Variants in SSBP3 observed in about 807,000 individuals in gnomAD.
The protein encoded by SSBP3 is single-stranded DNA-binding protein 3.
A neutral mutation model predicts 69.6 loss-of-function variants in SSBP3; 5 were observed. The ratio of observed to expected loss-of-function variants is 0.07; its 90% CI spans 0.04 to 0.15. The LOEUF is 0.15. SSBP3 is among the 10% of genes least tolerant of loss of function. SSBP3 has a pLI of 1.00. For synonymous variants in SSBP3, 196 were observed against 193.4 expected, an observed-to-expected ratio of 1.01 and a Z score of -0.11; for missense variants, 312 against 534.0, an observed-to-expected ratio of 0.58 and a Z score of 4.10.
chr1:54,233,098 C>T lies in SSBP3; in HGVS notation c.928-4272G>A, dbSNP rs1041082943. On this transcript the variant is annotated intron_variant, in intron 14 of 17. Coordinates refer to ENST00000610401, the Ensembl canonical transcript of SSBP3. ...GCTGCCCACTCTGGAAAGTGAGGAG[C>T]GTCTCCGCCCGGCCGCCATCCCATC... Among the ~76,000 whole-genome samples, 8 of 149,814 alleles carry T rather than the reference C, an allele frequency of 5.3e-5. No individual in the cohort carries two copies. In the East Asian group the frequency reaches 1.4e-3, roughly 26 times the overall value.
upstream of SSBP3, among the ~76,000 whole-genome samples, chr1:54,411,097 G>C (rs1649978538): frequency 6.6e-6 from 1 of 152,252 alleles, no homozygotes; most frequent in African/African-American, 2.4e-5. Flanking sequence ...GAATGGGTTA[G>C]TATAGAATCG....
At chr1:54,299,632 T>G (rs772925532) in intron 4 of SSBP3, among the ~76,000 whole-genome samples, 6 of 152,022 alleles carry the variant, frequency 3.9e-5, no homozygotes, top group Non-Finnish European at 8.8e-5. Flanking sequence ...ATCCCCCAAA[T>G]CATGCCAGCT....
chr1:54,244,995 C>A (rs1174502457), intron 9 of SSBP3, among the ~76,000 whole-genome samples: 2 of 152,088 alleles, frequency 1.3e-5, no homozygotes, highest in Admixed American at 6.6e-5. Flanking sequence ...TGATCATATA[C>A]CCCCCACCCC....
At chr1:54,318,528 T>TA (rs1646155449) in intron 4 of SSBP3, among the ~76,000 whole-genome samples, 1 of 152,148 alleles carries the variant, frequency 6.6e-6, no homozygotes, top group African/African-American at 2.4e-5. Context: ...AAGCTATAGT[T>TA]ACACCAGTTC....
intron 5 of SSBP3, among the ~76,000 whole-genome samples, chr1:54,271,942 C>T (rs971314449): frequency 1.3e-5 from 2 of 151,934 alleles, no homozygotes; most frequent in African/African-American, 4.8e-5. Context: ...GCTAATTTTT[C>T]TATTTTCAAT....
chr1:54,322,853 TA>T (rs1160128095), intron 4 of SSBP3, among the ~76,000 whole-genome samples: 17 of 152,020 alleles, frequency 1.1e-4, no homozygotes, highest in Non-Finnish European at 2.9e-5. Flanking sequence ...GCACCCAACA[TA>T]AAACAGGAAC....
chr1:54,403,654 C>CTT (rs1327684481), intron 3 of SSBP3, among the ~76,000 whole-genome samples: 1 of 151,820 alleles, frequency 6.6e-6, no homozygotes, highest in African/African-American at 2.4e-5. Context: ...CCTGAGCTGG[C>CTT]AGATAAACCC....
At chr1:54,368,307 A>AT (rs1161606257) in intron 4 of SSBP3, among the ~76,000 whole-genome samples, 3 of 151,440 alleles carry the variant, frequency 2.0e-5, no homozygotes, top group Non-Finnish European at 2.9e-5. Flanking sequence ...AAAAAAAAAA[A>AT]AGAAAACCTT....
At chr1:54,372,472 C>A (rs1000900015) in intron 4 of SSBP3, among the ~76,000 whole-genome samples, 1 of 152,188 alleles carries the variant, frequency 6.6e-6, no homozygotes, top group Admixed American at 6.5e-5. Context: ...AGCGACTCCC[C>A]TCTCTGGGCT....
At chr1:54,389,469 T>G (rs568016158) in intron 4 of SSBP3, among the ~76,000 whole-genome samples, 327 of 152,132 alleles carry the variant, frequency 2.1e-3, no homozygotes, top group Non-Finnish European at 3.4e-3. Flanking sequence ...AGGCTTCAGC[T>G]GGCTCATCTC....
intron 4 of SSBP3, among the ~76,000 whole-genome samples, chr1:54,386,877 G>A (rs1170000066): frequency 6.6e-6 from 1 of 151,098 alleles, no homozygotes; most frequent in Non-Finnish European, 1.5e-5. Flanking sequence ...TTCCTCCCAA[G>A]CAAGAGGCCT....
At position 54,373,302 on chromosome 1, in the gene SSBP3, G is replaced by A. The variant is rs75476792; in HGVS notation, c.276+28559C>T. On this transcript the variant is annotated intron_variant, in intron 4 of 17. Coordinates refer to ENST00000610401, the Ensembl canonical transcript of SSBP3. ...TCTGGGGCCCCTTTCTGTCAATCAA[G>A]CGGCCTCTTCCCTGTCTGGGACTCG... Among the ~76,000 whole-genome samples the A allele has an allele frequency of 4.6e-3, 708 of 152,286 alleles. 4 individuals carry two copies. The highest frequency in any genetic ancestry group is 0.017 in the African/African-American group (692 of 41,558).
chr1:54,399,469 C>T (rs1376807230), intron 4 of SSBP3, among the ~76,000 whole-genome samples: 2 of 152,232 alleles, frequency 1.3e-5, no homozygotes, highest in Non-Finnish European at 2.9e-5. Context: ...GGGACTGAAC[C>T]TACAGCAGTT....
intron 4 of SSBP3, among the ~76,000 whole-genome samples, chr1:54,348,512 C>T (rs115536023): frequency 0.022 from 3,308 of 152,264 alleles, 54 homozygotes; most frequent in Middle Eastern, 0.044. Context: ...ACACAGCTGC[C>T]GCACTTCAAG....
chr1:54,276,033 T>C (rs1645277260), intron 5 of SSBP3, among the ~76,000 whole-genome samples: 1 of 152,228 alleles, frequency 6.6e-6, no homozygotes, highest in African/African-American at 2.4e-5. Flanking sequence ...GGAAGAGTTC[T>C]CTAGGGACCT....
chr1:54,287,404 C>T (rs1645511113), intron 4 of SSBP3: 1 of 152,258 alleles, frequency 6.6e-6, no homozygotes, highest in African/African-American at 2.4e-5. Context: ...GCTGCGTGGC[C>T]CAGGGCCCAA....
At chr1:54,266,281 A>G (rs933962505) in intron 5 of SSBP3, among the ~76,000 whole-genome samples, 8 of 152,134 alleles carry the variant, frequency 5.3e-5, no homozygotes, top group Non-Finnish European at 1.2e-4. Context: ...CAGCACAAGG[A>G]CCCCAAGAGC....
intron 4 of SSBP3, among the ~76,000 whole-genome samples, chr1:54,315,624 C>T (rs1646082845): frequency 6.6e-6 from 1 of 150,870 alleles, no homozygotes; most frequent in Admixed American, 6.6e-5. Context: ...AAAGGTCTTG[C>T]TCTATCGCCC....
intron 4 of SSBP3, among the ~76,000 whole-genome samples, chr1:54,289,156 G>A (rs1192521391): frequency 6.6e-6 from 1 of 151,680 alleles, no homozygotes; most frequent in Non-Finnish European, 1.5e-5. Flanking sequence ...ACACATGAGA[G>A]AAGCACAATC....
Sources: gnomAD v4.1 joint callset for allele counts (sites outside exome capture counted in the v4.1 genomes callset) on GRCh38, gnomAD v4.1.1 for gene constraint, MANE v1.5 for transcripts, NCBI Gene and HGNC (gene_info 2026-07-23, HGNC 2026-07-21) for gene names.